The following TASP1 variants were observed in gnomAD, a reference collection of about 807,000 sequenced individuals.
The protein encoded by TASP1 is threonine aspartase 1.
Under a neutral mutation model 56.6 loss-of-function variants are expected in TASP1, and 16 were observed. The ratio of observed to expected loss-of-function variants is 0.28; its 90% CI spans 0.19 to 0.43. The LOEUF is 0.43. Ranked by LOEUF, TASP1 falls within the 20% of genes least tolerant of loss-of-function variation. The pLI is 1.00. For synonymous variants in TASP1, 179 were observed against 184.2 expected, an observed-to-expected ratio of 0.97 and a Z score of 0.23; for missense variants, 393 against 511.6, an observed-to-expected ratio of 0.77 and a Z score of 2.24.
At chr20:13,131,243 A>C in the TASP1 span, among the ~76,000 whole-genome samples, 1 of 152,170 alleles carries the variant, frequency 6.6e-6, no homozygotes, top group Non-Finnish European at 1.5e-5. Context: ...TTACCTTACT[A>C]CACCTTCTTT....
At chr20:13,322,160 T>G in the TASP1 span, among the ~76,000 whole-genome samples, 1 of 152,218 alleles carries the variant, frequency 6.6e-6, no homozygotes, top group Non-Finnish European at 1.5e-5. Context: ...TGAACAGAGC[T>G]GAAAAGCTGC....
the TASP1 span, chr20:13,292,448 A>C: frequency 1.9e-6 from 3 of 1,599,242 alleles, no homozygotes; most frequent in Non-Finnish European, 2.6e-6. Context: ...TAATGCCACC[A>C]AACTGTTTGA....
chr20:13,566,122 A>G (rs1425432772), intron 7 of TASP1, among the ~76,000 whole-genome samples: 1 of 152,180 alleles, frequency 6.6e-6, no homozygotes, highest in Non-Finnish European at 1.5e-5. Context: ...TCCACTTATA[A>G]AAGCAGAATT....
the TASP1 span, among the ~76,000 whole-genome samples, chr20:13,376,595 T>G: frequency 4.6e-5 from 7 of 152,296 alleles, no homozygotes; most frequent in African/African-American, 1.7e-4. Context: ...TAAAATAGTT[T>G]TTTTTCTAAT....
intron 8 of TASP1, among the ~76,000 whole-genome samples, chr20:13,558,278 C>T (rs1601240460): frequency 6.6e-6 from 1 of 152,110 alleles, no homozygotes; most frequent in Non-Finnish European, 1.5e-5. Context: ...CTAAGAAACC[C>T]CTAAGCCACA....
chr20:13,547,235 T>G (rs1483162043), intron 8 of TASP1, among the ~76,000 whole-genome samples: 1 of 152,208 alleles, frequency 6.6e-6, no homozygotes, highest in African/African-American at 2.4e-5. Context: ...AGCAGATAAT[T>G]CAATTCAATT....
the TASP1 span, among the ~76,000 whole-genome samples, chr20:13,325,354 T>C: frequency 1.2e-4 from 19 of 152,338 alleles, no homozygotes; most frequent in Non-Finnish European, 2.4e-4. Context: ...TAAGATGTAT[T>C]TGTTTCGAAC....
intron 8 of TASP1, 35 bp from the exon 9 acceptor site, chr20:13,534,176 C>T (rs1321856731): frequency 1.2e-6 from 2 of 1,611,202 alleles, no homozygotes; most frequent in Non-Finnish European, 1.7e-6. Context: ...ATTCACTAGG[C>T]ATGGAGTGGG....
the TASP1 span, among the ~76,000 whole-genome samples, chr20:13,346,570 C>T: frequency 1.6e-4 from 24 of 152,260 alleles, no homozygotes; most frequent in African/African-American, 4.8e-4. Flanking sequence ...GCAGCACTGC[C>T]CTATAGGGTG....
the TASP1 span, among the ~76,000 whole-genome samples, chr20:13,219,976 C>T: frequency 6.6e-6 from 1 of 152,054 alleles, no homozygotes; most frequent in African/African-American, 2.4e-5. Context: ...GGCGTGCCGT[C>T]AAGAAAGAGT....
chr20:13,529,670 A>G (rs1408883205), intron 9 of TASP1, among the ~76,000 whole-genome samples: 3 of 152,246 alleles, frequency 2.0e-5, no homozygotes, highest in African/African-American at 7.2e-5. Context: ...CAATACATTC[A>G]GTATTCCCTG....
chr20:13,360,267 C>A, the TASP1 span, among the ~76,000 whole-genome samples: 1 of 150,512 alleles, frequency 6.6e-6, no homozygotes, highest in African/African-American at 2.5e-5. Context: ...TTGGACTGAC[C>A]CTGACACCCA....
intron 11 of TASP1, among the ~76,000 whole-genome samples, chr20:13,436,727 GA>G (rs1210808915): frequency 2.0e-5 from 3 of 152,094 alleles, no homozygotes; most frequent in Non-Finnish European, 4.4e-5. Context: ...CCTCCAAGAA[GA>G]GACTGGATAA....
At chr20:13,147,489 C>T in the TASP1 span, among the ~76,000 whole-genome samples, 1 of 152,142 alleles carries the variant, frequency 6.6e-6, no homozygotes, top group Non-Finnish European at 1.5e-5. Flanking sequence ...TGAAACTTTA[C>T]TCCAAGGTCT....
chr20:13,193,100 T>C, the TASP1 span, among the ~76,000 whole-genome samples: 3 of 152,146 alleles, frequency 2.0e-5, no homozygotes, highest in Non-Finnish European at 4.4e-5. Flanking sequence ...ATTTTTTCGG[T>C]ATAATTAATA....
chr20:13,279,088 A>G, the TASP1 span, among the ~76,000 whole-genome samples: 4 of 152,164 alleles, frequency 2.6e-5, no homozygotes, highest in East Asian at 5.8e-4. Context: ...ACCTCTCTCA[A>G]TGGGAGATGT....
the TASP1 span, among the ~76,000 whole-genome samples, chr20:13,122,726 T>A: frequency 1.3e-4 from 20 of 152,212 alleles, no homozygotes; most frequent in African/African-American, 4.1e-4. Flanking sequence ...GCTGTTAGCT[T>A]CTAGCCTTAT....
the TASP1 span, among the ~76,000 whole-genome samples, chr20:13,159,230 A>G: frequency 6.6e-6 from 1 of 152,362 alleles, no homozygotes; most frequent in East Asian, 1.9e-4. Context: ...ACTCTGCATC[A>G]GACCGCTTTC....
intron 4 of TASP1, among the ~76,000 whole-genome samples, chr20:13,618,490 A>C (rs1262145794): frequency 5.3e-5 from 8 of 152,090 alleles, no homozygotes; most frequent in African/African-American, 1.9e-4. Context: ...ATATAATGAA[A>C]ATACCTACTT....
Sources: gnomAD v4.1 joint callset for allele counts (sites outside exome capture counted in the v4.1 genomes callset) on GRCh38, gnomAD v4.1.1 for gene constraint, MANE v1.5 for transcripts, NCBI Gene and HGNC (gene_info 2026-07-23, HGNC 2026-07-21) for gene names.